Variants in MYH14 observed in about 807,000 individuals in gnomAD.
MYH14 encodes the protein myosin-14.
MYH14 carries 123 observed loss-of-function variants against 255.5 expected under a neutral mutation model. The ratio of observed to expected loss-of-function variants is 0.48; its 90% CI spans 0.42 to 0.56. MYH14 has a LOEUF of 0.56. Among genes scored for constraint, MYH14 ranks in the 20% least tolerant of loss-of-function variants. The pLI, the probability that MYH14 is intolerant of heterozygous loss-of-function variation, is 0.00. For missense variants in MYH14, 2,423 were observed against 2,802.3 expected (o/e 0.86, Z 3.06); for synonymous variants, 1,095 against 1,161.2 (o/e 0.94, Z 1.16).
chr19:50,305,599 G>A (rs2123488844), intron 40 of MYH14, among the ~76,000 whole-genome samples: 1 of 152,108 alleles, frequency 6.6e-6, no homozygotes, highest in South Asian at 2.1e-4. Context: ...TACAAATGAG[G>A]AAACTGAGGT....
At chr19:50,231,803 T>G in intron 9 of MYH14, 127 bp from the exon 10 acceptor site, 21 of 1,302,410 alleles carry the variant, frequency 1.6e-5, no homozygotes, top group Non-Finnish European at 2.0e-5. Flanking sequence ...ACCACACTTG[T>G]GAGTAAAGGC....
intron 3 of MYH14, among the ~76,000 whole-genome samples, chr19:50,219,135 C>T (rs1286645384): frequency 7.0e-6 from 1 of 143,376 alleles, no homozygotes; most frequent in African/African-American, 2.5e-5. Context: ...TGTGTGTATA[C>T]ACACCATGGA....
At chr19:50,270,095 G>A (rs2035237673) in intron 24 of MYH14, among the ~76,000 whole-genome samples, 1 of 152,180 alleles carries the variant, frequency 6.6e-6, no homozygotes, top group African/African-American at 2.4e-5. Flanking sequence ...TCACACACCT[G>A]TGGTGTTGTC....
intron 36 of MYH14, among the ~76,000 whole-genome samples, chr19:50,291,309 T>G (rs962357377): frequency 2.1e-5 from 3 of 141,892 alleles, no homozygotes; most frequent in Non-Finnish European, 4.7e-5. Flanking sequence ...GTTCAGTTGG[T>G]TTTTTTTTTT....
At chr19:50,219,463 A>G (rs1304195612) in intron 3 of MYH14, among the ~76,000 whole-genome samples, 1 of 152,178 alleles carries the variant, frequency 6.6e-6, no homozygotes, top group African/African-American at 2.4e-5. Flanking sequence ...TAGTACAACC[A>G]CTATTGAAAA....
At chr19:50,226,762 T>G in intron 7 of MYH14, 141 bp from the exon 8 acceptor site, 1 of 750,174 alleles carries the variant, frequency 1.3e-6, no homozygotes, top group South Asian at 1.7e-5. Flanking sequence ...CACCACAGGA[T>G]GGGGTTCAGG....
At chr19:50,220,349 ATTTTATTTTATTATACTTTAT>A (rs2032751668) in intron 3 of MYH14, among the ~76,000 whole-genome samples, 1 of 133,068 alleles carries the variant, frequency 7.5e-6, no homozygotes, top group Non-Finnish European at 1.7e-5. Flanking sequence ...TTCAATAAGT[ATTTTATTTTATTATACTTTAT>A]TTTTATTATA....
In MYH14 at chr19:50,278,249, G is replaced by A; in HGVS notation, c.3992G>A (p.Arg1331Lys). ...EVQGRAGDGE[R>K]ARAEAAEKLQ... ...CAGGGCCGGGCTGGTGATGGGGAGA[G>A]GGCACGAGCGGAGGCTGCTGAGAAG... The change falls in exon 30 of 43, where the codon AGG becomes AAG. Residue 1331 changes from arginine to lysine, a missense_variant. Arg to Lys is a conservative substitution (Grantham distance 26). This residue lies in a region of MYH14 where 1,513 missense variants were observed against 1,674.8 expected (regional missense o/e 0.90). Transcript: ENST00000642316. 1 of 1,587,444 alleles carries A rather than the reference G, an allele frequency of 6.3e-7. No individual in the cohort carries two copies.
chr19:50,208,169 C>A (rs1259936113), intron 1 of MYH14, among the ~76,000 whole-genome samples: 2 of 152,206 alleles, frequency 1.3e-5, no homozygotes, highest in African/African-American at 4.8e-5. Context: ...AATCCCAGCA[C>A]TTTGGGAGGC....
chr19:50,232,593 C>CAAAAAAAA (rs532232129), intron 10 of MYH14, among the ~76,000 whole-genome samples: 206 of 63,394 alleles, frequency 3.2e-3, no homozygotes, highest in African/African-American at 4.0e-3. Flanking sequence ...GACTCTGTCT[C>CAAAAAAAA]AAAAAAAAAA....
rs369984367 is a variant in MYH14, at chr19:50,247,095, T to C, written c.1302T>C (p.Tyr434=). 2.5e-6 allele frequency: 4 copies of C among 1,613,340 alleles called. No individual in the cohort carries two copies. Among genetic ancestry groups the C allele is most frequent in the African/African-American group, 2.7e-5 (2 of 74,900 alleles). ...CTCGCATCAAAGTTGGCCGAGACTA[T>C]GTGCAGAAAGCCCAGACTAAGGAAC... is the stretch of plus-strand genomic sequence containing the variant. ...LTPRIKVGRD[Y]VQKAQTKEQA... Residue 434 remains tyrosine, a synonymous_variant, in exon 12 of 43, where the codon TAT becomes TAC. Coordinates refer to ENST00000642316, the MANE Select transcript of MYH14 (RefSeq NM_001145809.2).
rs1416179014 is a variant in MYH14 at position 50,250,536 on chromosome 19, G to T, written c.1678G>T (p.Ala560Ser). ...ERPANPPGLL[A>S]LLDEECWFPK... is the part of the protein sequence containing the mutation. Reference sequence around the variant, plus strand: ...CCAGGCCAACCCCCCTGGACTCCTGGCCCTGCTGGATGAGGAGTGCTGGTT... The same window carrying T: ...CCAGGCCAACCCCCCTGGACTCCTGTCCCTGCTGGATGAGGAGTGCTGGTT... The change falls in exon 15 of 43, where the codon GCC becomes TCC. Residue 560 changes from alanine (A) to serine (S), a missense_variant. By Grantham distance (99) the Ala-to-Ser change is moderately conservative (BLOSUM62 1). Around this residue, in one of 3 missense-constraint regions of MYH14, gnomAD observed 672 missense variants for 881.8 expected, o/e 0.76. Transcript: ENST00000642316. This position sits in a 1 kb window ranked among gnomAD's most constrained non-coding sequence, Gnocchi z 5.4. 1 of 1,613,582 alleles carries T rather than the reference G, an allele frequency of 6.2e-7. No individual in the cohort carries two copies. Among genetic ancestry groups the T allele is most frequent in the Non-Finnish European group, 8.5e-7 (1 of 1,179,784 alleles).
rs147345084 is a variant in MYH14 at position 50,210,874 on chromosome 19, T to G, written c.405+104T>G. The G allele has an allele frequency of 1.6e-5, 24 of 1,487,122 alleles. No homozygotes were observed. In the African/African-American group the frequency reaches 2.7e-4, roughly 17 times the overall value. The allele number at this position is 1,487,122 out of a possible 1,614,324, so 92.1% of individuals were successfully genotyped here. On this transcript the variant is annotated intron_variant, in intron 2 of 42. Transcript: ENST00000642316. ...TGCATTAACTTGAGGCTGTTTATCA[T>G]CTGTATCCCATGTCCCGTGACTGTT...
intron 24 of MYH14, 35 bp from the exon 25 acceptor site, chr19:50,271,374 C>T (rs918352869): frequency 6.3e-7 from 1 of 1,583,862 alleles, no homozygotes; most frequent in Non-Finnish European, 8.6e-7. Context: ...ATCTATTGGC[C>T]CAGTATCCTC....
intron 2 of MYH14, among the ~76,000 whole-genome samples, chr19:50,213,167 T>C (rs1346896069): frequency 1.3e-5 from 2 of 152,118 alleles, no homozygotes; most frequent in African/African-American, 4.8e-5. Flanking sequence ...TTGTCAGAGC[T>C]CGAACCTCTG....
chr19:50,207,256 AAAGAGAGAGAGAGACAGAGAGAGAGAGAG>A (rs2031826749), intron 1 of MYH14, among the ~76,000 whole-genome samples: 3 of 135,626 alleles, frequency 2.2e-5, no homozygotes, highest in East Asian at 2.2e-4. Context: ...AGAGAGAGAG[AAAGAGAGAGAGAGACAGAGAGAGAGAGAG>A]AGAGAGAGAG....
intron 25 of MYH14, 21 bp downstream of exon 25, chr19:50,271,567 TG>T: frequency 6.3e-7 from 1 of 1,597,970 alleles, no homozygotes. Flanking sequence ...TGAGGGCAGC[TG>T]GGAAAGTGGG....
intron 1 of MYH14, among the ~76,000 whole-genome samples, chr19:50,206,227 C>T (rs2031741346): frequency 6.6e-6 from 1 of 151,948 alleles, no homozygotes. Flanking sequence ...GGGCTGGGGG[C>T]TCAGACTCCT....
chr19:50,293,124 C>CA lies in MYH14; in HGVS notation c.5257-108dup. The stretch of plus-strand genomic sequence containing the variant: ...TCATTCCAGGGTTACCCAGGGACAG[C>CA]ATGAGAAAAAAGCCAAGAGCCTTGA... On this transcript the variant is annotated intron_variant, in intron 37 of 42. Transcript: ENST00000642316. This position sits in a 1 kb window ranked among gnomAD's most constrained non-coding sequence, Gnocchi z 4.1. The CA allele has an allele frequency of 5.2e-6, 4 of 769,828 alleles. No homozygotes were observed. Among genetic ancestry groups the CA allele is most frequent in the Non-Finnish European group, 9.1e-6 (4 of 438,122 alleles). 47.7% of individuals were successfully genotyped at this position (769,828 alleles called of 1,614,324 possible).
Sources: allele counts gnomAD v4.1 joint callset (sites outside exome capture counted in the v4.1 genomes callset), GRCh38; gene constraint gnomAD v4.1.1; regional missense constraint gnomAD v4.1.1; non-coding constraint Gnocchi (gnomAD v3.1); transcripts MANE v1.5; gene names NCBI Gene and HGNC (gene_info 2026-07-23, HGNC 2026-07-21).